ZNF589: variants seen among roughly 807,000 people sequenced by gnomAD.
The protein encoded by ZNF589 is KRAB-zinc finger protein SZF1-1.
In ZNF589, 17 loss-of-function variants were observed where a neutral mutation model predicts 13.6. The observed-to-expected ratio is 1.25, with a 90% CI of 0.86 to 1.88. ZNF589 has a LOEUF of 1.88. Among genes scored for constraint, ZNF589 ranks in the 40% most tolerant of loss-of-function variants. ZNF589 has a pLI of 0.00. For missense variants in ZNF589, 407 were observed against 434.0 expected, an observed-to-expected ratio of 0.94 and a Z score of 0.55; for synonymous variants, 148 against 161.6, an observed-to-expected ratio of 0.92 and a Z score of 0.64.
chr3:48,253,459 T>G (rs2033860175), intron 2 of ZNF589, among the ~76,000 whole-genome samples: 1 of 152,128 alleles, frequency 6.6e-6, no homozygotes, highest in African/African-American at 2.4e-5. Flanking sequence ...ATGTTACACT[T>G]AGTTGTCACG....
intron 1 of ZNF589, among the ~76,000 whole-genome samples, chr3:48,247,269 C>T (rs554487325): frequency 4.6e-5 from 7 of 151,744 alleles, no homozygotes; most frequent in Non-Finnish European, 8.8e-5. Flanking sequence ...CCACTGTGCT[C>T]GGTCCATTTT....
chr3:48,244,266 A>G (rs2033735752), intron 1 of ZNF589, among the ~76,000 whole-genome samples: 1 of 152,180 alleles, frequency 6.6e-6, no homozygotes, highest in Non-Finnish European at 1.5e-5. Flanking sequence ...TGCTTTGCTC[A>G]GATGTAGCCA....
At chr3:48,259,759 T>C (rs9870729) in intron 2 of ZNF589, among the ~76,000 whole-genome samples, 6,564 of 151,402 alleles carry the variant, frequency 0.043, 481 homozygotes, top group African/African-American at 0.15. Flanking sequence ...AAAAACAAAA[T>C]ACAAAAAAAA....
intron 2 of ZNF589, among the ~76,000 whole-genome samples, chr3:48,259,252 C>T (rs992318696): frequency 6.6e-6 from 1 of 152,196 alleles, no homozygotes; most frequent in Non-Finnish European, 1.5e-5. Context: ...ACTTCTCACA[C>T]ACTCAAGGAT....
chr3:48,266,366 A>G (rs1453831645), intron 3 of ZNF589, among the ~76,000 whole-genome samples: 3 of 152,078 alleles, frequency 2.0e-5, no homozygotes, highest in Non-Finnish European at 4.4e-5. Flanking sequence ...AACTGCTCCA[A>G]CTCTCTCAGG....
chr3:48,258,247 GC>G (rs1274328217), intron 2 of ZNF589, among the ~76,000 whole-genome samples: 1 of 151,934 alleles, frequency 6.6e-6, no homozygotes, highest in Non-Finnish European at 1.5e-5. Flanking sequence ...TAGTTGTTTT[GC>G]TGGAGTTATG....
chr3:48,264,257 G>A (rs1365451670), intron 3 of ZNF589, among the ~76,000 whole-genome samples: 5 of 152,168 alleles, frequency 3.3e-5, no homozygotes, highest in Admixed American at 6.5e-5. Context: ...GGAAGAGGCC[G>A]GGCATGGTGG....
intron 1 of ZNF589, among the ~76,000 whole-genome samples, chr3:48,242,492 CAG>C (rs2033709491): frequency 6.6e-6 from 1 of 151,664 alleles, no homozygotes; most frequent in African/African-American, 2.4e-5. Context: ...TTTTTAGAAA[CAG>C]GGTCTCCCTA....
intron 3 of ZNF589, among the ~76,000 whole-genome samples, chr3:48,264,009 G>A (rs1239057499): frequency 6.6e-6 from 1 of 152,106 alleles, no homozygotes; most frequent in Non-Finnish European, 1.5e-5. Flanking sequence ...GAATATACCA[G>A]TGATATGTAT....
intron 3 of ZNF589, among the ~76,000 whole-genome samples, chr3:48,265,611 G>C (rs1391839912): frequency 6.6e-6 from 1 of 151,850 alleles, no homozygotes; most frequent in Admixed American, 6.6e-5. Flanking sequence ...CAAATGTGTA[G>C]ACCCATGGAT....
intron 2 of ZNF589, among the ~76,000 whole-genome samples, chr3:48,254,324 T>C (rs2033873838): frequency 6.6e-6 from 1 of 152,232 alleles, no homozygotes; most frequent in Non-Finnish European, 1.5e-5. Flanking sequence ...TCTGTTCCAC[T>C]GATCTACTTG....
Position 48,241,160 on chromosome 3 carries a change from G to C in ZNF589, c.-12G>C. On this transcript the variant is annotated 5_prime_UTR_variant, in exon 1 of 4. Transcript: ENST00000354698. The stretch of plus-strand genomic sequence containing the variant: ...GCTACCTCGTTTGCTTCGTGCGTGC[G>C]TGCGCGCGCAGATGTGGGCCCCGCG... The C allele has an allele frequency of 1.6e-5, 25 of 1,601,262 alleles. No homozygotes were observed. Among genetic ancestry groups the C allele is most frequent in the Non-Finnish European group, 2.1e-5 (25 of 1,173,706 alleles).
intron 1 of ZNF589, among the ~76,000 whole-genome samples, chr3:48,243,067 TA>T (rs1316258685): frequency 1.7e-3 from 243 of 140,922 alleles, no homozygotes; most frequent in Middle Eastern, 3.7e-3. Context: ...AATGAGACTC[TA>T]AAAAAAAAAA....
Position 48,268,778 on chromosome 3 carries a change from A to G in ZNF589, c.1087A>G (p.Arg363Gly), listed in dbSNP as rs2034054150. The change falls in exon 4 of 4, where the codon AGA becomes GGA. Residue 363 changes from arginine to glycine, a missense_variant. Transcript: ENST00000354698. ...CACGGGGGATAAGCCTTATGTGTGC[A>G]GAGATTGAGGCCGAGGCTTTGTAAG... The part of the protein sequence containing the change: ...IHTGDKPYVC[R>G]D 6.2e-7 allele frequency: 1 copy of G among 1,611,916 alleles called. No individual in the cohort carries two copies.
intron 1 of ZNF589, 132 bp from the exon 2 acceptor site, chr3:48,247,493 T>G: frequency 2.5e-6 from 2 of 794,116 alleles, no homozygotes; most frequent in Non-Finnish European, 4.1e-6. Context: ...AGGCAGGAGG[T>G]GAGAGGAGCT....
At chr3:48,265,637 C>T (rs2034012168) in intron 3 of ZNF589, among the ~76,000 whole-genome samples, 1 of 152,040 alleles carries the variant, frequency 6.6e-6, no homozygotes, top group Non-Finnish European at 1.5e-5. Context: ...CCATCCTATG[C>T]AGAGTCCTGG....
At chr3:48,243,965 G>T (rs1035541363) in intron 1 of ZNF589, among the ~76,000 whole-genome samples, 1 of 152,180 alleles carries the variant, frequency 6.6e-6, no homozygotes, top group African/African-American at 2.4e-5. Context: ...ACATCGTGAG[G>T]TCCTGGAGTG....
chr3:48,261,177 A>G (rs574804914), intron 3 of ZNF589, among the ~76,000 whole-genome samples: 1 of 152,312 alleles, frequency 6.6e-6, no homozygotes, highest in African/African-American at 2.4e-5. Flanking sequence ...AAAAAAATGT[A>G]TAAGATATAT....
At position 48,270,854 on chromosome 3, in the gene ZNF589, C is replaced by G. The variant is rs911747088; in HGVS notation, c.*2068C>G. ...AAGGTTAGCCTGCTTAGGGGAAGGG[C>G]TAGGGGTACCTGGAATGTAGGATCT... On this transcript the variant is annotated 3_prime_UTR_variant, in exon 4 of 4. Coordinates refer to ENST00000354698, the MANE Select transcript of ZNF589 (RefSeq NM_016089.3). The G allele has an allele frequency of 6.0e-6, 1 of 166,294 alleles. No homozygotes were observed. Among genetic ancestry groups the G allele is most frequent in the African/African-American group, 2.4e-5 (1 of 41,612 alleles). The allele number at this position is 166,294 out of a possible 1,614,324, so 10.3% of individuals were successfully genotyped here. A position where few individuals can be genotyped will look rare whatever the true frequency, so the allele number is the denominator to read the frequency against.
Sources: gnomAD v4.1 joint callset for allele counts (sites outside exome capture counted in the v4.1 genomes callset) on GRCh38, gnomAD v4.1.1 for gene constraint, MANE v1.5 for transcripts, NCBI Gene and HGNC (gene_info 2026-07-23, HGNC 2026-07-21) for gene names.